The following HECW1 variants were observed in gnomAD, a reference collection of about 807,000 sequenced individuals.
HECW1 encodes HECT, C2 and WW domain containing E3 ubiquitin protein ligase 1, also known as E3 ubiquitin-protein ligase HECW1.
Under a neutral mutation model 182.3 loss-of-function variants are expected in HECW1, and 61 were observed. The ratio of observed to expected loss-of-function variants is 0.33; its 90% confidence interval spans 0.27 to 0.41. The LOEUF (loss-of-function observed/expected upper bound fraction) is 0.41. Among genes scored for constraint, HECW1 ranks in the 10% least tolerant of loss-of-function variants. The pLI, the probability that HECW1 is intolerant of heterozygous loss-of-function variation, is 1.00. For synonymous variants in HECW1, 859 were observed against 832.6 expected, an observed-to-expected ratio of 1.03 and a Z score of -0.55; for missense variants, 1,739 against 2,108.9, an observed-to-expected ratio of 0.82 and a Z score of 3.44.
chr7:43,122,865 C>T (rs1399121790), intron 2 of HECW1, among the ~76,000 whole-genome samples: 1 of 152,092 alleles, frequency 6.6e-6, no homozygotes, highest in African/African-American at 2.4e-5. Context: ...TAAACACATG[C>T]ATATAATTTT....
At chr7:43,314,517 G>A (rs991135938) in intron 4 of HECW1, among the ~76,000 whole-genome samples, 6 of 152,082 alleles carry the variant, frequency 3.9e-5, no homozygotes, top group Admixed American at 3.3e-4. Context: ...ACAAAGAAGA[G>A]GGTAGTAGAG....
chr7:43,433,740 G>A (rs2076622074), intron 8 of HECW1, among the ~76,000 whole-genome samples: 1 of 152,210 alleles, frequency 6.6e-6, no homozygotes, highest in Non-Finnish European at 1.5e-5. Flanking sequence ...AATGACCTAT[G>A]GAACTTTCTT....
chr7:43,312,172 A>C, intron 4 of HECW1, 85 bp downstream of exon 4: 2 of 1,219,514 alleles, frequency 1.6e-6, no homozygotes, highest in South Asian at 2.9e-5. Context: ...ATATAATTAA[A>C]ATATACAAGC....
At chr7:43,442,347 C>T (rs1374256038) in intron 9 of HECW1, among the ~76,000 whole-genome samples, 182 bp from the exon 10 acceptor site, 1 of 152,132 alleles carries the variant, frequency 6.6e-6, no homozygotes, top group East Asian at 1.9e-4. Context: ...GGGTCATAAT[C>T]CATGGTAGTT....
chr7:43,561,756 T>C, intron 29 of HECW1, 59 bp from the exon 30 acceptor site: 1 of 1,192,164 alleles, frequency 8.4e-7, no homozygotes, highest in Non-Finnish European at 1.2e-6. Flanking sequence ...CAGTCACAGA[T>C]CCAGAACCAG....
intron 2 of HECW1, among the ~76,000 whole-genome samples, chr7:43,170,751 T>C (rs905737514): frequency 6.6e-6 from 1 of 152,164 alleles, no homozygotes; most frequent in African/African-American, 2.4e-5. Context: ...ATTAAGTGGA[T>C]GCCAGCTATC....
At chr7:43,319,341 T>C (rs1268803285) in intron 4 of HECW1, among the ~76,000 whole-genome samples, 2 of 137,084 alleles carry the variant, frequency 1.5e-5, no homozygotes, top group African/African-American at 2.7e-5. Context: ...GAGCCGAGAT[T>C]GCGCCACTGG....
chr7:43,427,136 A>G (rs2076387793), intron 8 of HECW1, among the ~76,000 whole-genome samples: 3 of 152,210 alleles, frequency 2.0e-5, no homozygotes. Context: ...TTTTGTGGAC[A>G]TAGAACTCTA....
chr7:43,351,227 G>T (rs1366468237), intron 5 of HECW1, among the ~76,000 whole-genome samples: 1 of 152,132 alleles, frequency 6.6e-6, no homozygotes, highest in Admixed American at 6.5e-5. Context: ...CCATCTATAG[G>T]TCTCTCAGCC....
At chr7:43,165,100 G>A (rs1190250414) in intron 2 of HECW1, among the ~76,000 whole-genome samples, 1 of 152,092 alleles carries the variant, frequency 6.6e-6, no homozygotes, top group Non-Finnish European at 1.5e-5. Flanking sequence ...CAATAGTAAG[G>A]CCTTCTCAAT....
Position 43,444,707 on chromosome 7 carries a change from T to C in HECW1, c.1535T>C (p.Val512Ala). 1 of 1,609,868 alleles carries C rather than the reference T, an allele frequency of 6.2e-7. No homozygotes were observed. The highest frequency in any genetic ancestry group is 1.1e-5 in the South Asian group (1 of 90,556). The change falls in exon 11 of 30, where the codon GTG (valine) becomes GCG (alanine). Residue 512 changes from valine to alanine, a missense_variant. Physicochemically the swap from Val to Ala is moderately conservative, Grantham distance 64. This residue lies in a region of HECW1 where 971 missense variants were observed against 1,029.1 expected (regional missense o/e 0.94). Transcript: ENST00000395891. The surrounding 1 kb of genome is among the most constrained non-coding windows in gnomAD (Gnocchi z 4.3). ...EEKEQEEEGD[V>A]STLEQGEGRL... ...AAGGAGCAGGAGGAGGAGGGAGATGTGTCTACCCTGGAGCAGGGAGAGGGC... is the reference window on the plus strand; with the variant it reads ...AAGGAGCAGGAGGAGGAGGGAGATGCGTCTACCCTGGAGCAGGGAGAGGGC...
chr7:43,391,805 T>C (rs2075040036), intron 6 of HECW1, among the ~76,000 whole-genome samples: 1 of 152,354 alleles, frequency 6.6e-6, no homozygotes, highest in South Asian at 2.1e-4. Context: ...AAGGTGTGTT[T>C]ACTTATCTAC....
chr7:43,267,757 G>A (rs1486051397), intron 3 of HECW1, among the ~76,000 whole-genome samples: 2 of 151,972 alleles, frequency 1.3e-5, no homozygotes, highest in Non-Finnish European at 2.9e-5. Flanking sequence ...ATTATGTATA[G>A]TTCAAAGAGA....
At chr7:43,202,542 C>T (rs1028444416) in intron 2 of HECW1, among the ~76,000 whole-genome samples, 5 of 150,510 alleles carry the variant, frequency 3.3e-5, no homozygotes, top group African/African-American at 7.3e-5. Context: ...GGTGCAATCT[C>T]GGCTCACTGA....
chr7:43,366,508 A>T (rs1230835971), intron 6 of HECW1, among the ~76,000 whole-genome samples: 5 of 152,218 alleles, frequency 3.3e-5, no homozygotes, highest in African/African-American at 1.2e-4. Context: ...ACTTCAACCA[A>T]GTTAGTAGCA....
intron 24 of HECW1, among the ~76,000 whole-genome samples, chr7:43,528,347 T>C (rs1381419665): frequency 6.6e-6 from 1 of 152,186 alleles, no homozygotes; most frequent in Non-Finnish European, 1.5e-5. Flanking sequence ...GGTAATGTTC[T>C]CTATATTTAT....
At chr7:43,331,551 C>T (rs1017884392) in intron 5 of HECW1, among the ~76,000 whole-genome samples, 8 of 151,522 alleles carry the variant, frequency 5.3e-5, no homozygotes, top group Admixed American at 1.3e-4. Context: ...CGAGATTGCG[C>T]CACTGCACTC....
At chr7:43,365,548 C>G (rs1816538954) in intron 6 of HECW1, among the ~76,000 whole-genome samples, 1 of 152,192 alleles carries the variant, frequency 6.6e-6, no homozygotes, top group South Asian at 2.1e-4. Flanking sequence ...CTTATGTTGT[C>G]TTTATCAGCA....
chr7:43,264,917 G>A (rs993513579), intron 3 of HECW1, among the ~76,000 whole-genome samples: 1 of 151,120 alleles, frequency 6.6e-6, no homozygotes, highest in Non-Finnish European at 1.5e-5. Flanking sequence ...TAAAATATCT[G>A]AGGATAATTA....
Sources: gnomAD v4.1 joint callset for allele counts (sites outside exome capture counted in the v4.1 genomes callset) on GRCh38, gnomAD v4.1.1 for gene constraint, gnomAD v4.1.1 regional missense constraint, Gnocchi (gnomAD v3.1) non-coding constraint, MANE v1.5 for transcripts, NCBI Gene and HGNC (gene_info 2026-07-23, HGNC 2026-07-21) for gene names.